ZMAT4: variants seen among roughly 807,000 people sequenced by gnomAD.
ZMAT4 encodes zinc finger matrin-type protein 4.
ZMAT4 carries 17 observed loss-of-function variants against 28.7 expected under a neutral mutation model. The observed-to-expected ratio is 0.59, with a 90% CI of 0.41 to 0.89. The LOEUF (loss-of-function observed/expected upper bound fraction) is 0.89. Among genes scored for constraint, ZMAT4 ranks in the 40% least tolerant of loss-of-function variants. ZMAT4 has a pLI of 0.00. For synonymous variants in ZMAT4, 117 were observed against 109.2 expected (o/e 1.07, Z -0.44); for missense variants, 240 against 283.8 (o/e 0.85, Z 1.11).
At chr8:40,575,175 C>A (rs527432662) in intron 6 of ZMAT4, among the ~76,000 whole-genome samples, 7 of 152,130 alleles carry the variant, frequency 4.6e-5, no homozygotes, top group Non-Finnish European at 1.0e-4. Context: ...GCTGTCCAAG[C>A]CAAACAGCTC....
chr8:40,665,654 C>T (rs1808381800), intron 5 of ZMAT4, among the ~76,000 whole-genome samples: 1 of 152,134 alleles, frequency 6.6e-6, no homozygotes, highest in African/African-American at 2.4e-5. Context: ...TACTTCAGTT[C>T]AAAGCAAGTT....
intron 1 of ZMAT4, among the ~76,000 whole-genome samples, chr8:40,826,544 C>A (rs939498036): frequency 6.6e-6 from 1 of 152,026 alleles, no homozygotes; most frequent in South Asian, 2.1e-4. Context: ...AGCCTTTAAG[C>A]GGTATAAAAT....
At chr8:40,732,003 A>G (rs1163653421) in intron 3 of ZMAT4, among the ~76,000 whole-genome samples, 2 of 152,186 alleles carry the variant, frequency 1.3e-5, no homozygotes, top group Admixed American at 1.3e-4. Flanking sequence ...TTCCACTTAC[A>G]TGAGGTACCT....
chr8:40,539,601 G>T (rs1802961981), intron 6 of ZMAT4, among the ~76,000 whole-genome samples: 1 of 152,160 alleles, frequency 6.6e-6, no homozygotes, highest in African/African-American at 2.4e-5. Context: ...ATAAAACAAA[G>T]ACATCGATAA....
intron 2 of ZMAT4, among the ~76,000 whole-genome samples, chr8:40,775,590 G>A (rs1813558693): frequency 6.6e-6 from 1 of 152,144 alleles, no homozygotes; most frequent in Admixed American, 6.5e-5. Flanking sequence ...GAGAGGTTTG[G>A]GACAAGGCAG....
chr8:40,834,944 G>A (rs1264515718), intron 1 of ZMAT4, among the ~76,000 whole-genome samples: 1 of 152,228 alleles, frequency 6.6e-6, no homozygotes, highest in Admixed American at 6.5e-5. Flanking sequence ...AGCCCAAGGT[G>A]TCAGGCGGTA....
At chr8:40,881,599 A>AAAGAAAGAAGGAAAGAAAGAAAG (rs750851490) in intron 1 of ZMAT4, among the ~76,000 whole-genome samples, 1 of 78,204 alleles carries the variant, frequency 1.3e-5, no homozygotes, top group Non-Finnish European at 2.7e-5. Context: ...AGAAAGAAAG[A>AAAGAAAGAAGGAAAGAAAGAAAG]AAAGAAAAGA....
rs76382867 is a variant in ZMAT4, at chr8:40,532,241, A to G, written c.675-3T>C. 13,491 of 1,585,126 alleles carry G rather than the reference A, an allele frequency of 8.5e-3. 93 individuals are homozygous for G. The highest frequency in any genetic ancestry group is 9.1e-3 in the Non-Finnish European group (10,568 of 1,165,200). ...GCTTTCACTACTTATTCTTCAGGCT[A>G]TAAGACAGAAGGAAACACAGTGTTA... On this transcript the variant is annotated splice_region_variant and splice_polypyrimidine_tract_variant and intron_variant, in intron 6 of 6. Coordinates refer to ENST00000297737, the MANE Select transcript of ZMAT4 (RefSeq NM_024645.3).
intron 2 of ZMAT4, among the ~76,000 whole-genome samples, chr8:40,801,373 C>CAT (rs1249638790): frequency 1.9e-4 from 12 of 63,706 alleles, no homozygotes; most frequent in Middle Eastern, 9.3e-3. Context: ...TATATATATA[C>CAT]ATATATATAT....
At chr8:40,762,475 AGATCC>A (rs1389150957) in intron 3 of ZMAT4, among the ~76,000 whole-genome samples, 2 of 152,108 alleles carry the variant, frequency 1.3e-5, no homozygotes, top group Non-Finnish European at 2.9e-5. Flanking sequence ...GGAAACAGCA[AGATCC>A]CATCTCTACA....
At chr8:40,809,032 T>C (rs1815208525) in intron 2 of ZMAT4, among the ~76,000 whole-genome samples, 1 of 152,078 alleles carries the variant, frequency 6.6e-6, no homozygotes, top group African/African-American at 2.4e-5. Flanking sequence ...TGCAGCACTA[T>C]TTACAAAAGC....
intron 2 of ZMAT4, among the ~76,000 whole-genome samples, chr8:40,822,956 G>A (rs1815885360): frequency 6.6e-6 from 1 of 152,030 alleles, no homozygotes; most frequent in Admixed American, 6.5e-5. Flanking sequence ...CAACAGCGAG[G>A]GTACAGTATG....
chr8:40,586,085 T>C (rs1316762183), intron 5 of ZMAT4, among the ~76,000 whole-genome samples: 1 of 152,138 alleles, frequency 6.6e-6, no homozygotes, highest in African/African-American at 2.4e-5. Flanking sequence ...GATTATAAAT[T>C]GGAAAGGCAG....
intron 2 of ZMAT4, among the ~76,000 whole-genome samples, chr8:40,778,611 T>G (rs1813700700): frequency 6.6e-6 from 1 of 152,248 alleles, no homozygotes; most frequent in Non-Finnish European, 1.5e-5. Context: ...CCAAACAGAG[T>G]TAAGTACTCC....
At chr8:40,849,148 T>C (rs1817012509) in intron 1 of ZMAT4, among the ~76,000 whole-genome samples, 1 of 152,214 alleles carries the variant, frequency 6.6e-6, no homozygotes, top group African/African-American at 2.4e-5. Context: ...GAACCTAGCC[T>C]GCAAATCTAG....
intron 1 of ZMAT4, among the ~76,000 whole-genome samples, chr8:40,886,874 A>T (rs1042037126): frequency 1.4e-5 from 2 of 142,938 alleles, no homozygotes; most frequent in Non-Finnish European, 3.1e-5. Flanking sequence ...GACTGATTTA[A>T]AAAGCCCAGT....
At chr8:40,759,586 A>G (rs1812844532) in intron 3 of ZMAT4, among the ~76,000 whole-genome samples, 1 of 152,166 alleles carries the variant, frequency 6.6e-6, no homozygotes, top group Admixed American at 6.5e-5. Flanking sequence ...ACTTGATCTC[A>G]GACTCCCCAG....
rs1234756127 is a variant in ZMAT4 at position 40,845,884 on chromosome 8, C to CA, written c.-4-20205dup. On this transcript the variant is annotated intron_variant, in intron 1 of 6. Coordinates refer to ENST00000297737, the MANE Select transcript of ZMAT4 (RefSeq NM_024645.3). ...GCCAAGCATCAATTAGGAGCGGCCC[C>CA]AAAAGACAACAAGATGTCAAGAGGA... 5.9e-5 allele frequency among the ~76,000 whole-genome samples: 9 copies of CA among 151,862 alleles called. No homozygotes were observed. The East Asian group carries it at 1.7e-3, about 29-fold the overall frequency.
chr8:40,721,208 T>A (rs1811077337), intron 3 of ZMAT4, among the ~76,000 whole-genome samples: 1 of 145,300 alleles, frequency 6.9e-6, no homozygotes, highest in Non-Finnish European at 1.5e-5. Context: ...AATTCCCACC[T>A]ATGAGTGAGA....
Sources: gnomAD v4.1 joint callset for allele counts (sites outside exome capture counted in the v4.1 genomes callset) on GRCh38, gnomAD v4.1.1 for gene constraint, MANE v1.5 for transcripts, NCBI Gene and HGNC (gene_info 2026-07-23, HGNC 2026-07-21) for gene names.